Variants in NRG3 observed in about 807,000 individuals in gnomAD.
NRG3 encodes the protein neuregulin 3.
Under a neutral mutation model 66.9 loss-of-function variants are expected in NRG3, and 31 were observed. The observed-to-expected ratio is 0.46, with a 90% CI of 0.35 to 0.63. The LOEUF (loss-of-function observed/expected upper bound fraction) is 0.63. Ranked by LOEUF, NRG3 falls within the 20% of genes least tolerant of loss-of-function variation. The pLI, the probability that NRG3 is intolerant of heterozygous loss-of-function variation, is 0.00. For synonymous variants in NRG3, 393 were observed against 359.4 expected, an observed-to-expected ratio of 1.09 and a Z score of -1.06; for missense variants, 910 against 878.9, an observed-to-expected ratio of 1.04 and a Z score of -0.45.
chr10:82,103,105 T>C (rs2066861366), intron 1 of NRG3, among the ~76,000 whole-genome samples: 1 of 152,142 alleles, frequency 6.6e-6, no homozygotes, highest in Non-Finnish European at 1.5e-5. Flanking sequence ...AATATTTTTA[T>C]TGGGCTTAGT....
chr10:81,980,600 A>G (rs974184974), intron 1 of NRG3, among the ~76,000 whole-genome samples: 1 of 152,212 alleles, frequency 6.6e-6, no homozygotes, highest in Admixed American at 6.5e-5. Context: ...CTATATACAA[A>G]ATGGAATCTG....
At chr10:82,882,890 C>A (rs1268837101) in intron 4 of NRG3, among the ~76,000 whole-genome samples, 1 of 152,134 alleles carries the variant, frequency 6.6e-6, no homozygotes, top group Non-Finnish European at 1.5e-5. Context: ...GTTTAAATAC[C>A]TGACAAACCA....
At chr10:82,562,547 C>T (rs1053963978) in intron 2 of NRG3, among the ~76,000 whole-genome samples, 1 of 152,188 alleles carries the variant, frequency 6.6e-6, no homozygotes, top group Non-Finnish European at 1.5e-5. Context: ...TCTTGAAACA[C>T]AGTCAGTCCC....
At chr10:82,538,636 A>G (rs914305765) in intron 2 of NRG3, among the ~76,000 whole-genome samples, 46 of 152,118 alleles carry the variant, frequency 3.0e-4, no homozygotes, top group African/African-American at 8.7e-4. Flanking sequence ...GTAGCCAAGC[A>G]GACACTCTGA....
chr10:82,632,903 T>C (rs2049940597), intron 2 of NRG3, among the ~76,000 whole-genome samples: 1 of 152,182 alleles, frequency 6.6e-6, no homozygotes, highest in South Asian at 2.1e-4. Context: ...TTAAGAATGC[T>C]TTTGGCTGCA....
chr10:82,657,201 A>G (rs1266774534), intron 2 of NRG3, among the ~76,000 whole-genome samples: 2 of 152,040 alleles, frequency 1.3e-5, no homozygotes, highest in Non-Finnish European at 1.5e-5. Context: ...TCTATATAAT[A>G]TAGCATTTAT....
intron 1 of NRG3, among the ~76,000 whole-genome samples, chr10:81,999,476 T>G (rs1018151436): frequency 6.6e-6 from 1 of 152,204 alleles, no homozygotes; most frequent in Non-Finnish European, 1.5e-5. Context: ...CATTTTATTA[T>G]ATTAATTACA....
intron 3 of NRG3, among the ~76,000 whole-genome samples, chr10:82,754,671 T>G (rs2059008386): frequency 6.6e-6 from 1 of 152,130 alleles, no homozygotes; most frequent in Admixed American, 6.6e-5. Flanking sequence ...CCAATTTAAT[T>G]AGCTTTACCT....
intron 2 of NRG3, among the ~76,000 whole-genome samples, chr10:82,522,749 GT>G (rs999693297): frequency 3.4e-4 from 51 of 151,582 alleles, no homozygotes; most frequent in Non-Finnish European, 5.6e-4. Context: ...ATTTAACATG[GT>G]TTCCTTTATT....
intron 2 of NRG3, among the ~76,000 whole-genome samples, chr10:82,662,407 A>G (rs1279662660): frequency 6.6e-6 from 1 of 152,162 alleles, no homozygotes; most frequent in African/African-American, 2.4e-5. Flanking sequence ...CACAGATTGT[A>G]TTTATAATTA....
At chr10:82,811,953 A>G (rs1316436639) in intron 3 of NRG3, among the ~76,000 whole-genome samples, 2 of 152,256 alleles carry the variant, frequency 1.3e-5, no homozygotes, top group East Asian at 1.9e-4. Context: ...TGGTCACACC[A>G]GAGCTTGGCA....
intron 2 of NRG3, among the ~76,000 whole-genome samples, chr10:82,668,234 T>G (rs1368848846): frequency 6.6e-6 from 1 of 152,190 alleles, no homozygotes; most frequent in Non-Finnish European, 1.5e-5. Flanking sequence ...ATTAGCTAGG[T>G]TCTCTGGAAA....
chr10:82,777,347 T>C (rs2059949337), intron 3 of NRG3, among the ~76,000 whole-genome samples: 1 of 152,188 alleles, frequency 6.6e-6, no homozygotes, highest in South Asian at 2.1e-4. Flanking sequence ...GGGATCCCTC[T>C]TGCTGTCTGG....
intron 2 of NRG3, among the ~76,000 whole-genome samples, chr10:82,598,257 A>G (rs1475790676): frequency 3.3e-5 from 5 of 152,226 alleles, no homozygotes; most frequent in Admixed American, 6.5e-5. Flanking sequence ...AAATCTATAC[A>G]TTTCTCCTCA....
At chr10:82,219,365 C>T (rs1049143801) in intron 1 of NRG3, among the ~76,000 whole-genome samples, 5 of 150,686 alleles carry the variant, frequency 3.3e-5, no homozygotes, top group Non-Finnish European at 5.9e-5. Context: ...GGGGCGTAGT[C>T]ATCCAAACTC....
chr10:82,738,031 T>C (rs2058239400), intron 2 of NRG3, among the ~76,000 whole-genome samples: 1 of 151,424 alleles, frequency 6.6e-6, no homozygotes, highest in African/African-American at 2.4e-5. Flanking sequence ...CTGTTATTTC[T>C]GGCAAAGTGG....
intron 1 of NRG3, among the ~76,000 whole-genome samples, chr10:81,934,920 A>G (rs1057467302): frequency 3.3e-5 from 5 of 152,208 alleles, no homozygotes; most frequent in African/African-American, 1.2e-4. Context: ...CCCCAGGGCC[A>G]AGCCTCAATT....
chr10:82,007,499 T>C (rs10736170), intron 1 of NRG3, among the ~76,000 whole-genome samples: 81,940 of 152,002 alleles, frequency 0.54, 22,208 homozygotes, highest in South Asian at 0.65. Context: ...GAGCCATCAG[T>C]GCCCGGCCTA....
At chr10:82,824,975 G>A (rs2062131745) in intron 3 of NRG3, among the ~76,000 whole-genome samples, 1 of 152,100 alleles carries the variant, frequency 6.6e-6, no homozygotes, top group African/African-American at 2.4e-5. Flanking sequence ...GCCTCCCAAA[G>A]TGTTGAGATT....
Sources: allele counts gnomAD v4.1 joint callset (sites outside exome capture counted in the v4.1 genomes callset), GRCh38; gene constraint gnomAD v4.1.1; transcripts MANE v1.5; gene names NCBI Gene and HGNC (gene_info 2026-07-23, HGNC 2026-07-21).